MRTFB: variants seen among roughly 807,000 people sequenced by gnomAD.
MRTFB encodes myocardin-related transcription factor B.
MRTFB carries 29 observed loss-of-function variants against 104.2 expected under a neutral mutation model. That is an observed-to-expected ratio of 0.28 (90% confidence interval 0.21 to 0.38). The LOEUF is 0.38. MRTFB is among the 10% of genes least tolerant of loss of function. MRTFB has a pLI of 1.00. For missense variants in MRTFB, 1,270 were observed against 1,341.6 expected (o/e 0.95, Z 0.83); for synonymous variants, 535 against 519.5 (o/e 1.03, Z -0.41).
chr16:14,032,057 C>G, the MRTFB span, among the ~76,000 whole-genome samples: 1 of 152,210 alleles, frequency 6.6e-6, no homozygotes, highest in Admixed American at 6.5e-5. Context: ...ATCTGCCCAC[C>G]TCAGCCTCCT....
At chr16:14,114,602 A>G (rs1420358468) in intron 2 of MRTFB, among the ~76,000 whole-genome samples, 5 of 151,948 alleles carry the variant, frequency 3.3e-5, no homozygotes, top group Non-Finnish European at 7.4e-5. Flanking sequence ...CCCACCCTCA[A>G]TTTCAACCAT....
intron 3 of MRTFB, among the ~76,000 whole-genome samples, chr16:14,184,784 G>A (rs375162583): frequency 6.6e-6 from 1 of 152,188 alleles, no homozygotes; most frequent in Non-Finnish European, 1.5e-5. Flanking sequence ...GCCTGGAGCT[G>A]GAGCATATTC....
rs145792320 is a variant in MRTFB at position 14,252,497 on chromosome 16, C to A, written c.2698C>A (p.Pro900Thr). Residue 900 changes from proline (P) to threonine (T), a missense_variant, in exon 15 of 17, where the codon CCA becomes ACA. Around this residue, in one of 3 missense-constraint regions of MRTFB, gnomAD observed 1,144 missense variants for 1,131.5 expected, o/e 1.01. Coordinates refer to ENST00000571589, the MANE Select transcript of MRTFB (RefSeq NM_001308142.2). ...KQTRSTQAPL[P>T]EISNAHSQQM... ...GACACGCAGCACACAGGCCCCTCTG[C>A]CAGAGGTAAGTGAGGGCACGGTCAT... 1.1e-3 allele frequency: 1,808 copies of A among 1,613,900 alleles called. 3 individuals carry two copies. Among genetic ancestry groups the A allele is most frequent in the Non-Finnish European group, 1.4e-3 (1,683 of 1,179,988 alleles).
At chr16:14,170,098 G>A (rs2039373521) in intron 3 of MRTFB, 1 of 151,992 alleles carries the variant, frequency 6.6e-6, no homozygotes, top group South Asian at 2.1e-4. Flanking sequence ...AGACTGTACT[G>A]ATCATGTTTT....
chr16:14,009,044 G>A, the MRTFB span, among the ~76,000 whole-genome samples: 1 of 151,956 alleles, frequency 6.6e-6, no homozygotes, highest in South Asian at 2.1e-4. Context: ...AATCTCCTGA[G>A]TTCAAGTGAT....
upstream of MRTFB, among the ~76,000 whole-genome samples, chr16:14,068,963 CTTTTTTTTTTTTT>C (rs989515330): frequency 9.0e-5 from 9 of 100,174 alleles, no homozygotes; most frequent in East Asian, 6.8e-4. Context: ...GATTCTCCAG[CTTTTTTTTTTTTT>C]TTTTTTTTTT....
intron 2 of MRTFB, among the ~76,000 whole-genome samples, chr16:14,130,264 A>G (rs1473499334): frequency 6.6e-6 from 1 of 152,164 alleles, no homozygotes; most frequent in African/African-American, 2.4e-5. Flanking sequence ...GTTCTTACTA[A>G]GGGGTCAGTA....
chr16:14,175,312 A>G (rs1345286224), intron 3 of MRTFB, among the ~76,000 whole-genome samples: 1 of 152,214 alleles, frequency 6.6e-6, no homozygotes, highest in African/African-American at 2.4e-5. Flanking sequence ...CCTGTTTATA[A>G]TCCATTCCTC....
intron 2 of MRTFB, among the ~76,000 whole-genome samples, chr16:14,138,321 A>T (rs1367450580): frequency 6.6e-6 from 1 of 152,176 alleles, no homozygotes; most frequent in Non-Finnish European, 1.5e-5. Context: ...CATGTTTACT[A>T]TTCCTGATGC....
At chr16:14,175,356 A>G (rs2039546250) in intron 3 of MRTFB, among the ~76,000 whole-genome samples, 2 of 152,208 alleles carry the variant, frequency 1.3e-5, no homozygotes, top group African/African-American at 4.8e-5. Flanking sequence ...CTACTCATGT[A>G]TAAATGGAAT....
intron 2 of MRTFB, among the ~76,000 whole-genome samples, chr16:14,136,824 T>C (rs1363466631): frequency 6.6e-6 from 1 of 152,126 alleles, no homozygotes; most frequent in Non-Finnish European, 1.5e-5. Flanking sequence ...GTTTGTTTTT[T>C]GAGAGAAGTT....
At chr16:14,019,826 A>AT in the MRTFB span, among the ~76,000 whole-genome samples, 1 of 131,722 alleles carries the variant, frequency 7.6e-6, no homozygotes, top group South Asian at 2.9e-4. Flanking sequence ...GCTATTATAG[A>AT]TCCAAAAAAG....
intron 3 of MRTFB, among the ~76,000 whole-genome samples, chr16:14,195,077 T>C (rs1450830458): frequency 6.6e-6 from 1 of 152,218 alleles, no homozygotes; most frequent in African/African-American, 2.4e-5. Context: ...CATTCTAGCA[T>C]GCATGATCAT....
chr16:14,059,562 G>A, the MRTFB span, among the ~76,000 whole-genome samples: 1 of 152,170 alleles, frequency 6.6e-6, no homozygotes, highest in East Asian at 1.9e-4. Context: ...GCATCCAGTC[G>A]GCAGGTGCAA....
chr16:14,043,449 G>A, the MRTFB span, among the ~76,000 whole-genome samples: 2 of 151,876 alleles, frequency 1.3e-5, no homozygotes, highest in Admixed American at 1.3e-4. Flanking sequence ...GTGGTCCTGT[G>A]TCTGGCATGC....
chr16:14,230,078 T>G (rs748673429), intron 8 of MRTFB, among the ~76,000 whole-genome samples: 24 of 152,126 alleles, frequency 1.6e-4, no homozygotes, highest in Admixed American at 7.2e-4. Flanking sequence ...TGGCTAGCCA[T>G]ATGTAGAAAG....
chr16:14,255,647 A>G (rs1190122681), intron 15 of MRTFB, among the ~76,000 whole-genome samples: 2 of 152,234 alleles, frequency 1.3e-5, no homozygotes, highest in East Asian at 1.9e-4. Context: ...TGTGTAGACA[A>G]TACTTAAAAT....
At chr16:14,182,154 T>A (rs559982301) in intron 3 of MRTFB, among the ~76,000 whole-genome samples, 1 of 152,328 alleles carries the variant, frequency 6.6e-6, no homozygotes, top group East Asian at 1.9e-4. Flanking sequence ...GGGTTTCTCC[T>A]ACTGAGGGAT....
intron 10 of MRTFB, among the ~76,000 whole-genome samples, chr16:14,244,268 CAT>C (rs1320369113): frequency 6.6e-6 from 1 of 152,126 alleles, no homozygotes; most frequent in Non-Finnish European, 1.5e-5. Context: ...CTGACTATAA[CAT>C]AATTTAGCCA....
Sources: gnomAD v4.1 joint callset for allele counts (sites outside exome capture counted in the v4.1 genomes callset) on GRCh38, gnomAD v4.1.1 for gene constraint, gnomAD v4.1.1 regional missense constraint, MANE v1.5 for transcripts, NCBI Gene and HGNC (gene_info 2026-07-23, HGNC 2026-07-21) for gene names.